Variants in MYH14 observed in about 807,000 individuals in gnomAD.
MYH14 encodes myosin-14.
MYH14 carries 123 observed loss-of-function variants against 255.5 expected under a neutral mutation model. That is an observed-to-expected ratio of 0.48 (90% CI 0.42 to 0.56). The LOEUF (loss-of-function observed/expected upper bound fraction) is 0.56. Ranked by LOEUF, MYH14 falls within the 20% of genes least tolerant of loss-of-function variation. The probability of loss-of-function intolerance (pLI) is 0.00; values close to 1 mark genes in which losing one functional copy is unlikely to be tolerated. For synonymous variants in MYH14, 1,095 were observed against 1,161.2 expected, an observed-to-expected ratio of 0.94 and a Z score of 1.16; for missense variants, 2,423 against 2,802.3, an observed-to-expected ratio of 0.86 and a Z score of 3.06.
At position 50,309,722 on chromosome 19, in the gene MYH14, G is replaced by A; in HGVS notation, c.6043G>A (p.Glu2015Lys). ...EEGVASDEEA[E>K]EAQPGSGPSP... ...GGGCGTGGCATCCGACGAGGAGGCA[G>A]AGGAAGCACAGCCTGGGTCTGGGCC... Residue 2015 changes from glutamate (E) to lysine (K), a missense_variant, in exon 43 of 43, where the codon GAG becomes AAG. Coordinates refer to ENST00000642316, the MANE Select transcript of MYH14 (RefSeq NM_001145809.2). The A allele has an allele frequency of 1.2e-6, 2 of 1,602,716 alleles. No homozygotes were observed. The highest frequency in any genetic ancestry group is 1.7e-6 in the Non-Finnish European group (2 of 1,175,044).
In MYH14 at chr19:50,252,106, G is replaced by C. The variant is rs969931180; in HGVS notation, c.1831-533G>C. ...CAGTTTCTTCCCCAGACATACTCCAGAACTCCCCCTGTACCCAGCCCTCTG... is the reference window on the plus strand; with the variant it reads ...CAGTTTCTTCCCCAGACATACTCCACAACTCCCCCTGTACCCAGCCCTCTG... On this transcript the variant is annotated intron_variant, in intron 15 of 42. Coordinates refer to ENST00000642316, the MANE Select transcript of MYH14 (RefSeq NM_001145809.2). This position sits in a 1 kb window ranked among gnomAD's most constrained non-coding sequence, Gnocchi z 4.2. Among the ~76,000 whole-genome samples, 3 of 152,200 alleles carry C rather than the reference G, an allele frequency of 2.0e-5. No individual in the cohort carries two copies. Among genetic ancestry groups the C allele is most frequent in the Non-Finnish European group, 4.4e-5 (3 of 68,036 alleles).
intron 15 of MYH14, among the ~76,000 whole-genome samples, chr19:50,251,857 T>G (rs915800892): frequency 6.6e-6 from 1 of 152,084 alleles, no homozygotes; most frequent in Non-Finnish European, 1.5e-5. Context: ...GGATTACAGG[T>G]GTGAGCCACC....
chr19:50,263,208 A>T, intron 21 of MYH14, 104 bp from the exon 22 acceptor site: 1 of 811,130 alleles, frequency 1.2e-6, no homozygotes, highest in South Asian at 2.5e-5. Context: ...CAGAAAAACA[A>T]ACAAACAAAC....
At chr19:50,308,977 A>G (rs749542942) in intron 41 of MYH14, 28 bp from the exon 42 acceptor site, 25 of 1,582,726 alleles carry the variant, frequency 1.6e-5, no homozygotes, top group African/African-American at 2.7e-5. Flanking sequence ...ACCTGGAGAT[A>G]TAACCCAGTC....
chr19:50,289,782 A>G, intron 35 of MYH14, 134 bp downstream of exon 35: 1 of 769,978 alleles, frequency 1.3e-6, no homozygotes, highest in South Asian at 1.7e-5. Flanking sequence ...CCGACCACTC[A>G]GTATCTCCCC....
chr19:50,269,468 C>T (rs1007823768), intron 24 of MYH14, among the ~76,000 whole-genome samples: 1 of 152,212 alleles, frequency 6.6e-6, no homozygotes, highest in African/African-American at 2.4e-5. Flanking sequence ...AGGCGTGAGC[C>T]ACCATGCCCG....
rs2123456726 is a variant in MYH14 at position 50,293,223 on chromosome 19, A to G, written c.5257-10A>G. On this transcript the variant is annotated splice_polypyrimidine_tract_variant and intron_variant, in intron 37 of 42. Transcript: ENST00000642316. This position sits in a 1 kb window ranked among gnomAD's most constrained non-coding sequence, Gnocchi z 4.1. ...CCTCACACCCACCGGCCACCCCTCC[A>G]TCATCACAGGAACTGGCCGCCTCGG... 6.3e-7 allele frequency: 1 copy of G among 1,595,316 alleles called. No individual in the cohort carries two copies. Among genetic ancestry groups the G allele is most frequent in the Admixed American group, 1.7e-5 (1 of 57,348 alleles).
In MYH14 at chr19:50,244,322, A is replaced by G. The variant is rs1314701207; in HGVS notation, c.1195A>G (p.Met399Val). ...AGAACGGAACACCGATCAAGCCACC[A>G]TGCCTGACAACACAGGTACTGCCCC... ...KRERNTDQAT[M>V]PDNTAAQKLC... Residue 399 changes from methionine to valine, a missense_variant, in exon 11 of 43, where the codon ATG becomes GTG. Around this residue, in one of 3 missense-constraint regions of MYH14, gnomAD observed 672 missense variants for 881.8 expected, o/e 0.76. Transcript: ENST00000642316. The G allele has an allele frequency of 6.2e-7, 1 of 1,613,478 alleles. No homozygotes were observed. Among genetic ancestry groups the G allele is most frequent in the Non-Finnish European group, 8.5e-7 (1 of 1,179,816 alleles).
intron 18 of MYH14, among the ~76,000 whole-genome samples, 196 bp downstream of exon 18, chr19:50,257,682 T>G (rs1384164779): frequency 1.3e-5 from 2 of 152,194 alleles, no homozygotes; most frequent in South Asian, 2.1e-4. Context: ...GTATTAAGCA[T>G]CTACTGTGCT....
rs991467766 is a variant in MYH14 at position 50,280,136 on chromosome 19, G to A, written c.4132G>A (p.Ala1378Thr). 1 of 1,600,532 alleles carries A rather than the reference G, an allele frequency of 6.2e-7. No individual in the cohort carries two copies. ...CAGCACAGAAGCCCAGCTGCACGAT[G>A]CCCAGGTGACCCTGCCTGCCCTTCG... ...LSSTEAQLHDAQELLQEETRA... is the reference protein window; with the variant it reads ...LSSTEAQLHDTQELLQEETRA... The change falls in exon 31 of 43, where the codon GCC becomes ACC. Residue 1378 changes from alanine to threonine, a missense_variant. Ala to Thr is a moderately conservative substitution (Grantham distance 58). Transcript: ENST00000642316. The surrounding 1 kb of genome is among the most constrained non-coding windows in gnomAD (Gnocchi z 4.8).
chr19:50,258,779 G>T, intron 18 of MYH14: 3 of 182,008 alleles, frequency 1.6e-5, no homozygotes, highest in Non-Finnish European at 2.2e-5. Flanking sequence ...AAAAAAACAT[G>T]ATTTACCAGC....
Position 50,223,237 on chromosome 19 carries a change from A to T in MYH14, c.591-10A>T. 1 of 1,613,388 alleles carries T rather than the reference A, an allele frequency of 6.2e-7. No homozygotes were observed. Among genetic ancestry groups the T allele is most frequent in the Admixed American group, 1.7e-5 (1 of 59,946 alleles). On this transcript the variant is annotated splice_polypyrimidine_tract_variant and intron_variant, in intron 4 of 42. Coordinates refer to ENST00000642316, the MANE Select transcript of MYH14 (RefSeq NM_001145809.2). ...GCCAACCCCTTTGCTTCCCCTTGTC[A>T]TCCCCACAGTGGAGAGTCTGGAGCT... is the stretch of plus-strand genomic sequence containing the variant.
chr19:50,289,020 A>G (rs1195507848), intron 34 of MYH14, among the ~76,000 whole-genome samples: 1 of 151,630 alleles, frequency 6.6e-6, no homozygotes, highest in Non-Finnish European at 1.5e-5. Flanking sequence ...GAGTCTGGCA[A>G]ACACCAGCAC....
rs765559362 is a variant in MYH14, at chr19:50,231,933, ACCT to A, written c.985_987del (p.Leu329del). 2 of 1,612,710 alleles carry A rather than the reference ACCT, an allele frequency of 1.2e-6. No individual in the cohort carries two copies. The highest frequency in any genetic ancestry group is 1.7e-5 in the Admixed American group (1 of 59,894). On this transcript the variant is annotated inframe_deletion, in exon 10 of 43. Transcript: ENST00000642316. ...ACCCCACTCATTGTCCCTGCAGCCG[ACCT>A]CCTCCTCGAGCCCTGCTCCCACTAC...
At chr19:50,209,454 C>G (rs888464451) in intron 1 of MYH14, among the ~76,000 whole-genome samples, 1 of 151,704 alleles carries the variant, frequency 6.6e-6, no homozygotes, top group Non-Finnish European at 1.5e-5. Context: ...TCAAGACCTG[C>G]CTGGACAACA....
rs1190887158 is a variant in MYH14 at position 50,293,575 on chromosome 19, TGGA to T, written c.5362_5364del (p.Glu1788del). The T allele has an allele frequency of 1.2e-6, 2 of 1,613,122 alleles. No individual in the cohort carries two copies. Among genetic ancestry groups the T allele is most frequent in the South Asian group, 2.2e-5 (2 of 90,996 alleles). On this transcript the variant is annotated inframe_deletion, in exon 39 of 43. Transcript: ENST00000642316. The surrounding 1 kb of genome is among the most constrained non-coding windows in gnomAD (Gnocchi z 4.1). Reference sequence around the variant, plus strand: ...TCCTGTCTCCCTAGGGCAGCCATTCTGGAGGAGAAGCGTCAGCTGGAGGGGCGC... The same window carrying T: ...TCCTGTCTCCCTAGGGCAGCCATTCTGGAGAAGCGTCAGCTGGAGGGGCGC...
Position 50,286,501 on chromosome 19 carries a change from C to A in MYH14, c.4559C>A (p.Ala1520Glu). The change falls in exon 34 of 43, where the codon GCA (alanine) becomes GAA (glutamate). Residue 1520 changes from alanine to glutamate, a missense_variant. Ala to Glu is a moderately radical substitution (Grantham distance 107). Around this residue, in one of 3 missense-constraint regions of MYH14, gnomAD observed 1,513 missense variants for 1,674.8 expected, o/e 0.90. Transcript: ENST00000642316. The part of the protein sequence containing the change: ...KFDQLLAEEK[A>E]AVLRAVEERE... ...TGGAAGCTTCTGGCAGAGGAGAAGG[C>A]AGCTGTACTTCGGGCAGTGGAGGAA... is the stretch of plus-strand genomic sequence containing the variant. The A allele has an allele frequency of 1.2e-6, 2 of 1,613,202 alleles. No individual in the cohort carries two copies. Among genetic ancestry groups the A allele is most frequent in the Non-Finnish European group, 1.7e-6 (2 of 1,179,464 alleles).
At chr19:50,263,996 G>T (rs1236159956) in intron 22 of MYH14, among the ~76,000 whole-genome samples, 1 of 139,104 alleles carries the variant, frequency 7.2e-6, no homozygotes, top group Non-Finnish European at 1.5e-5. Flanking sequence ...GGTGGAGGTT[G>T]CAGTGAGCCA....
At chr19:50,242,093 T>C (rs531734265) in intron 10 of MYH14, among the ~76,000 whole-genome samples, 1 of 152,336 alleles carries the variant, frequency 6.6e-6, no homozygotes, top group Admixed American at 6.5e-5. Context: ...TCAGAAGCCA[T>C]GTGGGCTGTA....
Sources: allele counts gnomAD v4.1 joint callset (sites outside exome capture counted in the v4.1 genomes callset), GRCh38; gene constraint gnomAD v4.1.1; regional missense constraint gnomAD v4.1.1; non-coding constraint Gnocchi (gnomAD v3.1); transcripts MANE v1.5; gene names NCBI Gene and HGNC (gene_info 2026-07-23, HGNC 2026-07-21).